ADAM12: variants seen among roughly 807,000 people sequenced by gnomAD.
ADAM12 encodes the protein ADAM metallopeptidase domain 12.
In ADAM12, 70 loss-of-function variants were observed where a neutral mutation model predicts 106.4. The observed-to-expected ratio is 0.66, with a 90% CI of 0.54 to 0.80. ADAM12 has a LOEUF of 0.80. Ranked by LOEUF, ADAM12 falls within the 30% of genes least tolerant of loss-of-function variation. The pLI is 0.00. For missense variants in ADAM12, 1,010 were observed against 1,171.9 expected, an observed-to-expected ratio of 0.86 and a Z score of 2.02; for synonymous variants, 420 against 433.5, an observed-to-expected ratio of 0.97 and a Z score of 0.39.
At chr10:126,255,467 A>G (rs1958872710) in intron 3 of ADAM12, among the ~76,000 whole-genome samples, 1 of 152,192 alleles carries the variant, frequency 6.6e-6, no homozygotes, top group African/African-American at 2.4e-5. Context: ...CCTTCATGGC[A>G]GGAGGACTAG....
chr10:126,343,971 T>G (rs1373316182), intron 1 of ADAM12, among the ~76,000 whole-genome samples: 1 of 152,232 alleles, frequency 6.6e-6, no homozygotes, highest in Non-Finnish European at 1.5e-5. Context: ...TTATGTAGAT[T>G]GCCTGTTCAC....
At chr10:126,295,621 C>G (rs756029418) in intron 2 of ADAM12, among the ~76,000 whole-genome samples, 2 of 150,238 alleles carry the variant, frequency 1.3e-5, no homozygotes, top group East Asian at 4.0e-4. Flanking sequence ...ATAAGAAGTT[C>G]ATCCAAACTG....
chr10:126,274,115 T>G (rs1194523021), intron 3 of ADAM12, among the ~76,000 whole-genome samples: 1 of 152,148 alleles, frequency 6.6e-6, no homozygotes, highest in Non-Finnish European at 1.5e-5. Flanking sequence ...CATCATCCAC[T>G]CATTTGAGGA....
intron 1 of ADAM12, among the ~76,000 whole-genome samples, chr10:126,332,451 G>A (rs1177242436): frequency 6.6e-6 from 1 of 152,190 alleles, no homozygotes; most frequent in African/African-American, 2.4e-5. Context: ...AGAGCCAGAA[G>A]TGCTGTGAAA....
At chr10:126,247,244 G>A (rs549284431) in intron 3 of ADAM12, among the ~76,000 whole-genome samples, 4 of 152,154 alleles carry the variant, frequency 2.6e-5, no homozygotes, top group Non-Finnish European at 4.4e-5. Flanking sequence ...AATCAAATGC[G>A]TCCTTTACTT....
chr10:126,152,909 C>A (rs1359179117), intron 4 of ADAM12, among the ~76,000 whole-genome samples: 1 of 152,110 alleles, frequency 6.6e-6, no homozygotes, highest in African/African-American at 2.4e-5. Flanking sequence ...ATTCTTAAAC[C>A]ATTTTAAATC....
intron 1 of ADAM12, among the ~76,000 whole-genome samples, chr10:126,353,815 T>G (rs1855447884): frequency 6.6e-6 from 1 of 152,178 alleles, no homozygotes; most frequent in Non-Finnish European, 1.5e-5. Flanking sequence ...CGGTAATCAA[T>G]TGACTGCTCT....
intron 3 of ADAM12, among the ~76,000 whole-genome samples, chr10:126,212,925 T>C (rs1040820398): frequency 6.6e-6 from 1 of 152,200 alleles, no homozygotes; most frequent in Non-Finnish European, 1.5e-5. Flanking sequence ...TATTGAGATA[T>C]GCTTCACATA....
intron 3 of ADAM12, among the ~76,000 whole-genome samples, chr10:126,269,557 G>A (rs976297738): frequency 3.3e-5 from 5 of 152,130 alleles, no homozygotes; most frequent in African/African-American, 1.2e-4. Flanking sequence ...CATCCCGGTC[G>A]CACCAGGAGA....
intron 1 of ADAM12, among the ~76,000 whole-genome samples, chr10:126,359,236 T>A (rs138528428): frequency 6.6e-6 from 1 of 152,280 alleles, no homozygotes; most frequent in East Asian, 1.9e-4. Context: ...CCAAACCCTA[T>A]CATTCTGCCC....
intron 21 of ADAM12, among the ~76,000 whole-genome samples, chr10:126,022,989 A>G (rs1204192935): frequency 6.6e-6 from 1 of 152,252 alleles, no homozygotes; most frequent in Admixed American, 6.5e-5. Context: ...TGCCTTGACC[A>G]GCATCATGAA....
rs555152589 is a variant in ADAM12 at position 126,221,702 on chromosome 10, A to G, written c.260+57213T>C. Among the ~76,000 whole-genome samples, 3 of 152,326 alleles carry G rather than the reference A, an allele frequency of 2.0e-5. No individual in the cohort carries two copies. In the South Asian group the frequency reaches 6.2e-4, roughly 32 times the overall value. On this transcript the variant is annotated intron_variant, in intron 3 of 22. Coordinates refer to ENST00000448723, the MANE Select transcript of ADAM12 (RefSeq NM_001288973.2). ...CAACACCGAGGAGACAGAGGTGCTG[A>G]AATCTGTCACAGGGGGCAAGAAGCA...
At chr10:126,325,241 G>T (rs1854256819) in intron 2 of ADAM12, among the ~76,000 whole-genome samples, 2 of 152,226 alleles carry the variant, frequency 1.3e-5, no homozygotes, top group Admixed American at 6.5e-5. Flanking sequence ...AAGAGTGAAA[G>T]GTGTGTGCTG....
chr10:126,193,098 T>C (rs1957533714), intron 3 of ADAM12, among the ~76,000 whole-genome samples: 1 of 151,798 alleles, frequency 6.6e-6, no homozygotes, highest in African/African-American at 2.4e-5. Flanking sequence ...ACCCCGTCTC[T>C]ACTAGAAATA....
chr10:126,354,591 T>G (rs1218064467), intron 1 of ADAM12, among the ~76,000 whole-genome samples: 1 of 152,218 alleles, frequency 6.6e-6, no homozygotes, highest in East Asian at 1.9e-4. Flanking sequence ...ATTTAAATTA[T>G]AACTAAAATT....
rs116333441 is a variant in ADAM12 at position 126,118,366 on chromosome 10, G to A, written c.417-142C>T. Reference sequence around the variant, plus strand: ...TTCTCAGATTTTGATTGGAAAGGACGTTTCTGTGACATATGTTTGCATTGA... The same window carrying A: ...TTCTCAGATTTTGATTGGAAAGGACATTTCTGTGACATATGTTTGCATTGA... On this transcript the variant is annotated intron_variant, in intron 5 of 22. Coordinates refer to ENST00000448723, the MANE Select transcript of ADAM12 (RefSeq NM_001288973.2). 716 of 651,942 alleles carry A rather than the reference G, an allele frequency of 1.1e-3. 6 individuals carry two copies. The African/African-American group carries it at 0.012, about 11-fold the overall frequency. The allele number at this position is 651,942 out of a possible 1,614,324, so 40.4% of individuals were successfully genotyped here.
chr10:126,050,982 A>G (rs1405035714), intron 14 of ADAM12, among the ~76,000 whole-genome samples: 4 of 152,186 alleles, frequency 2.6e-5, no homozygotes, highest in Non-Finnish European at 5.9e-5. Context: ...AGCTCCTCAC[A>G]TCACATGCCC....
chr10:126,387,427 C>CTGGAGGGAGAATTCCGG (rs1856702171), intron 1 of ADAM12, among the ~76,000 whole-genome samples: 1 of 152,154 alleles, frequency 6.6e-6, no homozygotes, highest in Non-Finnish European at 1.5e-5. Flanking sequence ...GAGAATTCCG[C>CTGGAGGGAGAATTCCGG]TAAAGTTTGC....
At position 126,064,641 on chromosome 10, in the gene ADAM12, C is replaced by T; in HGVS notation, c.1609+165G>A. 1.3e-6 allele frequency: 1 copy of T among 750,752 alleles called. No homozygotes were observed. The highest frequency in any genetic ancestry group is 1.9e-5 in the South Asian group (1 of 53,542). 46.5% of individuals were successfully genotyped at this position (750,752 alleles called of 1,614,324 possible). On this transcript the variant is annotated intron_variant, in intron 14 of 22. Coordinates refer to ENST00000448723, the MANE Select transcript of ADAM12 (RefSeq NM_001288973.2). This position sits in a 1 kb window ranked among gnomAD's most constrained non-coding sequence, Gnocchi z 4.4. ...GTGCACCCCATGCCCAGTGCGGCCT[C>T]AGACCCTCCCTGGGAGTCAATCACT...
Sources: gnomAD v4.1 joint callset for allele counts (sites outside exome capture counted in the v4.1 genomes callset) on GRCh38, gnomAD v4.1.1 for gene constraint, Gnocchi (gnomAD v3.1) non-coding constraint, MANE v1.5 for transcripts, NCBI Gene and HGNC (gene_info 2026-07-23, HGNC 2026-07-21) for gene names.